The following ITPR2 variants were observed in gnomAD, a reference collection of about 807,000 sequenced individuals.
ITPR2 encodes the protein inositol 1,4,5-trisphosphate receptor type 2, also known as inositol 1,4,5-trisphosphate-gated calcium channel ITPR2.
ITPR2 carries 207 observed loss-of-function variants against 317.1 expected under a neutral mutation model. That is an observed-to-expected ratio of 0.65 (90% confidence interval 0.58 to 0.73). The LOEUF (loss-of-function observed/expected upper bound fraction) is 0.73, where lower values mean the gene tolerates loss of function less well. ITPR2 is among the 30% of genes least tolerant of loss of function. The pLI is 0.00. For synonymous variants in ITPR2, 1,156 were observed against 1,149.1 expected (o/e 1.01, Z -0.12); for missense variants, 2,613 against 3,284.0 (o/e 0.80, Z 4.99).
At position 26,599,357 on chromosome 12, in the gene ITPR2, G is replaced by C; in HGVS notation, c.3802-12C>G. ...TCTGCTTCAAGGAGCTAAACACAGA[G>C]GAACATGCCCTTGTAATTCTGACAA... On this transcript the variant is annotated splice_polypyrimidine_tract_variant and intron_variant, in intron 29 of 56. Coordinates refer to ENST00000381340, the MANE Select transcript of ITPR2 (RefSeq NM_002223.4). 1 of 1,611,950 alleles carries C rather than the reference G, an allele frequency of 6.2e-7. No individual in the cohort carries two copies. Among genetic ancestry groups the C allele is most frequent in the Non-Finnish European group, 8.5e-7 (1 of 1,178,078 alleles).
chr12:26,380,951 T>C (rs563230267), intron 55 of ITPR2, among the ~76,000 whole-genome samples: 2 of 152,352 alleles, frequency 1.3e-5, no homozygotes, highest in African/African-American at 4.8e-5. Flanking sequence ...CTCATTAAAG[T>C]ATGACCTTTC....
intron 36 of ITPR2, among the ~76,000 whole-genome samples, chr12:26,552,504 C>T (rs559696986): frequency 2.0e-5 from 3 of 152,244 alleles, no homozygotes; most frequent in Admixed American, 2.0e-4. Context: ...TTTAAAATGA[C>T]ACTGTTACAT....
chr12:26,649,773 C>CTAGATAGA lies in ITPR2; in HGVS notation c.2740+4195_2740+4202dup, dbSNP rs71069259. On this transcript the variant is annotated intron_variant, in intron 21 of 56. Transcript: ENST00000381340. ...TATCAGATGTTACAGGATAGATAGA[C>CTAGATAGA]TAGATAGATAGATAGATAGATAGAT... is the stretch of plus-strand genomic sequence containing the variant. 4.9e-3 allele frequency among the ~76,000 whole-genome samples: 723 copies of CTAGATAGA among 147,500 alleles called. 7 individuals carry two copies. Among genetic ancestry groups the CTAGATAGA allele is most frequent in the Middle Eastern group, 6.9e-3 (2 of 290 alleles).
At chr12:26,409,169 C>G (rs778721855) in intron 52 of ITPR2, among the ~76,000 whole-genome samples, 1 of 152,020 alleles carries the variant, frequency 6.6e-6, no homozygotes, top group Non-Finnish European at 1.5e-5. Flanking sequence ...CTGTTTGACA[C>G]CAAGACAAGA....
intron 9 of ITPR2, among the ~76,000 whole-genome samples, chr12:26,710,682 C>T (rs993886462): frequency 1.3e-5 from 2 of 152,144 alleles, no homozygotes; most frequent in Admixed American, 6.5e-5. Context: ...AAAGAAAAAG[C>T]TTTTGTACGT....
At chr12:26,818,643 C>G (rs1305097833) in intron 1 of ITPR2, among the ~76,000 whole-genome samples, 1 of 152,018 alleles carries the variant, frequency 6.6e-6, no homozygotes, top group Non-Finnish European at 1.5e-5. Context: ...TAAAAGGTCA[C>G]TTAATATTTA....
intron 26 of ITPR2, among the ~76,000 whole-genome samples, chr12:26,617,726 G>T (rs972283465): frequency 2.4e-5 from 3 of 122,460 alleles, no homozygotes; most frequent in Non-Finnish European, 5.2e-5. Flanking sequence ...GAAGGAGGAA[G>T]GGAGGGAGGG....
At chr12:26,574,054 C>A (rs1945222046) in intron 34 of ITPR2, among the ~76,000 whole-genome samples, 1 of 152,114 alleles carries the variant, frequency 6.6e-6, no homozygotes. Context: ...ACAGAATTTG[C>A]TGCTGTGTTT....
At chr12:26,343,828 A>G (rs1235795654) in intron 55 of ITPR2, among the ~76,000 whole-genome samples, 2 of 152,154 alleles carry the variant, frequency 1.3e-5, no homozygotes, top group African/African-American at 2.4e-5. Flanking sequence ...ACCCTTTTCT[A>G]GGGCTCTTAA....
chr12:26,500,817 T>G (rs1943055485), intron 37 of ITPR2, among the ~76,000 whole-genome samples: 1 of 152,202 alleles, frequency 6.6e-6, no homozygotes. Context: ...TAGAAAGGAC[T>G]AAAATTTTGT....
intron 26 of ITPR2, among the ~76,000 whole-genome samples, chr12:26,610,654 C>A (rs1207911457): frequency 6.6e-6 from 1 of 152,106 alleles, no homozygotes; most frequent in East Asian, 1.9e-4. Flanking sequence ...AACCAAAAAA[C>A]TCAATAATAA....
chr12:26,808,169 A>C (rs980171401), intron 1 of ITPR2, among the ~76,000 whole-genome samples: 3 of 152,226 alleles, frequency 2.0e-5, no homozygotes, highest in Non-Finnish European at 4.4e-5. Context: ...AGCCTACAAG[A>C]AGGAGAGAAG....
At chr12:26,773,661 C>T (rs1382885963) in intron 2 of ITPR2, among the ~76,000 whole-genome samples, 1 of 152,218 alleles carries the variant, frequency 6.6e-6, no homozygotes, top group African/African-American at 2.4e-5. Context: ...GTTCATGAGA[C>T]TTCCAAAACA....
chr12:26,340,805 C>A (rs1247662056), intron 55 of ITPR2, among the ~76,000 whole-genome samples: 2 of 152,152 alleles, frequency 1.3e-5, no homozygotes, highest in African/African-American at 4.8e-5. Context: ...GTAAAGGCTC[C>A]CCACCAGCTC....
At chr12:26,642,771 A>ACCATTTTGACC (rs1363739540) in intron 21 of ITPR2, among the ~76,000 whole-genome samples, 7 of 152,202 alleles carry the variant, frequency 4.6e-5, no homozygotes, top group Non-Finnish European at 1.0e-4. Flanking sequence ...ATGGACCAAG[A>ACCATTTTGACC]CAAGATCTTA....
At chr12:26,474,074 G>T (rs1354226) in intron 45 of ITPR2, among the ~76,000 whole-genome samples, 129,039 of 152,206 alleles carry the variant, frequency 0.85, 55,143 homozygotes, top group Non-Finnish European at 0.91. Flanking sequence ...GAAGGTTTTG[G>T]AAAAATTATA....
At chr12:26,547,489 A>G (rs1944417509) in intron 37 of ITPR2, among the ~76,000 whole-genome samples, 1 of 152,356 alleles carries the variant, frequency 6.6e-6, no homozygotes, top group Middle Eastern at 3.4e-3. Context: ...GAAAAACAGT[A>G]CAGAGATTTC....
At chr12:26,460,064 A>G (rs1041896308) in intron 45 of ITPR2, among the ~76,000 whole-genome samples, 7 of 152,206 alleles carry the variant, frequency 4.6e-5, no homozygotes, top group African/African-American at 1.7e-4. Context: ...CAGACATTCA[A>G]TCAGCTACAG....
At chr12:26,455,835 G>T (rs1941870258) in intron 45 of ITPR2, among the ~76,000 whole-genome samples, 1 of 152,152 alleles carries the variant, frequency 6.6e-6, no homozygotes. Context: ...TGCAATGTAA[G>T]TGTCTTGGGG....
Sources: allele counts gnomAD v4.1 joint callset (sites outside exome capture counted in the v4.1 genomes callset), GRCh38; gene constraint gnomAD v4.1.1; transcripts MANE v1.5; gene names NCBI Gene and HGNC (gene_info 2026-07-23, HGNC 2026-07-21).